CMIP: variants seen among roughly 807,000 people sequenced by gnomAD.
CMIP encodes the protein c-Maf inducing protein.
A neutral mutation model predicts 97.3 loss-of-function variants in CMIP; 13 were observed. That is an observed-to-expected ratio of 0.13 (90% CI 0.09 to 0.21). The LOEUF (loss-of-function observed/expected upper bound fraction) is 0.21, where lower values mean the gene tolerates loss of function less well. CMIP is among the 10% of genes least tolerant of loss of function. CMIP has a pLI of 1.00. For synonymous variants in CMIP, 538 were observed against 436.3 expected (o/e 1.23, Z -2.91); for missense variants, 847 against 1,024.9 (o/e 0.83, Z 2.37).
At chr16:81,600,740 T>A (rs2091643885) in intron 1 of CMIP, among the ~76,000 whole-genome samples, 1 of 152,216 alleles carries the variant, frequency 6.6e-6, no homozygotes, top group South Asian at 2.1e-4. Flanking sequence ...AGTTTTACGT[T>A]CTGTGAATTT....
chr16:81,588,894 C>T (rs536853046), intron 1 of CMIP, among the ~76,000 whole-genome samples: 2 of 151,948 alleles, frequency 1.3e-5, no homozygotes, highest in East Asian at 1.9e-4. Context: ...ATGAGGAGAC[C>T]GAGGTTCATA....
At chr16:81,670,287 C>T (rs1339136540) in intron 8 of CMIP, 42 bp downstream of exon 8, 1 of 1,565,486 alleles carries the variant, frequency 6.4e-7, no homozygotes, top group Admixed American at 1.9e-5. Context: ...CTAGGAGCCA[C>T]TTTCCTCTCG....
At chr16:81,491,724 C>A (rs763107831) in intron 1 of CMIP, among the ~76,000 whole-genome samples, 1 of 152,202 alleles carries the variant, frequency 6.6e-6, no homozygotes, top group African/African-American at 2.4e-5. Flanking sequence ...TCATTTGGCA[C>A]CCTTCCCTGT....
intron 1 of CMIP, among the ~76,000 whole-genome samples, chr16:81,498,619 G>C (rs2089537528): frequency 6.6e-6 from 1 of 152,180 alleles, no homozygotes; most frequent in African/African-American, 2.4e-5. Flanking sequence ...GTGTGCCCCA[G>C]AACATGGCTG....
intron 1 of CMIP, among the ~76,000 whole-genome samples, chr16:81,501,835 C>T (rs2089619142): frequency 6.6e-6 from 1 of 152,120 alleles, no homozygotes. Context: ...TGGTCTCGAA[C>T]TCCTGACCTC....
intron 1 of CMIP, among the ~76,000 whole-genome samples, chr16:81,460,289 T>A (rs1567526915): frequency 6.6e-6 from 1 of 152,134 alleles, no homozygotes; most frequent in Admixed American, 6.5e-5. Flanking sequence ...GTGGGCTATT[T>A]ATTCCCTCCT....
At chr16:81,553,722 G>A (rs1426717766) in intron 1 of CMIP, among the ~76,000 whole-genome samples, 2 of 152,206 alleles carry the variant, frequency 1.3e-5, no homozygotes, top group Admixed American at 1.3e-4. Context: ...TCTCTTTCCC[G>A]TGCCCTCGCC....
chr16:81,698,343 A>G (rs1906998150), intron 14 of CMIP, among the ~76,000 whole-genome samples: 1 of 152,208 alleles, frequency 6.6e-6, no homozygotes, highest in Non-Finnish European at 1.5e-5. Context: ...GCACCAGAAC[A>G]AAAGACCGCC....
intron 1 of CMIP, among the ~76,000 whole-genome samples, chr16:81,571,794 C>T (rs1365544299): frequency 2.0e-5 from 3 of 152,152 alleles, no homozygotes; most frequent in African/African-American, 2.4e-5. Flanking sequence ...CGACCGTGCG[C>T]GGGAGCCCTG....
At chr16:81,464,850 G>A (rs78441229) in intron 1 of CMIP, 2 of 152,138 alleles carry the variant, frequency 1.3e-5, no homozygotes, top group Admixed American at 6.5e-5. Context: ...TTAGTGTGAG[G>A]TTTTTACGTT....
intron 13 of CMIP, 99 bp downstream of exon 13, chr16:81,693,586 T>C (rs1052768002): frequency 7.5e-7 from 1 of 1,326,022 alleles, no homozygotes; most frequent in Non-Finnish European, 1.0e-6. Context: ...CCAACAGGCA[T>C]TCAGAACAGC....
intron 1 of CMIP, among the ~76,000 whole-genome samples, chr16:81,557,660 C>T (rs2911281): frequency 5.3e-5 from 8 of 151,878 alleles, no homozygotes; most frequent in Admixed American, 3.3e-4. Context: ...CTGTGGTCCC[C>T]GCTACTCAGG....
chr16:81,572,072 G>C (rs1272481165), intron 1 of CMIP, among the ~76,000 whole-genome samples: 1 of 152,190 alleles, frequency 6.6e-6, no homozygotes, highest in Non-Finnish European at 1.5e-5. Flanking sequence ...TGACTTTGAT[G>C]TCGTGTTCTG....
intron 1 of CMIP, among the ~76,000 whole-genome samples, chr16:81,593,432 G>A (rs1241165354): frequency 2.0e-5 from 3 of 152,130 alleles, no homozygotes; most frequent in Non-Finnish European, 4.4e-5. Flanking sequence ...AGGTGCCATC[G>A]GGTCTCTGAC....
chr16:81,651,275 G>C (rs528801752), intron 3 of CMIP: 60 of 201,004 alleles, frequency 3.0e-4, no homozygotes, highest in African/African-American at 1.4e-3. Context: ...AGCCCGGGCG[G>C]GGGTGGAGGG....
At chr16:81,557,318 G>C (rs572755117) in intron 1 of CMIP, among the ~76,000 whole-genome samples, 4 of 152,250 alleles carry the variant, frequency 2.6e-5, no homozygotes, top group African/African-American at 9.6e-5. Flanking sequence ...ACTGATGTTG[G>C]TTGAATTTAC....
At chr16:81,552,995 G>T (rs1322209003) in intron 1 of CMIP, among the ~76,000 whole-genome samples, 1 of 152,210 alleles carries the variant, frequency 6.6e-6, no homozygotes, top group South Asian at 2.1e-4. Context: ...GGACAGGAAA[G>T]TCTCCTCTAA....
chr16:81,694,741 A>G (rs917325524), intron 13 of CMIP, among the ~76,000 whole-genome samples: 2 of 152,194 alleles, frequency 1.3e-5, no homozygotes, highest in Non-Finnish European at 2.9e-5. Context: ...AAGCATCCCA[A>G]GTGGTTCTGA....
intron 1 of CMIP, among the ~76,000 whole-genome samples, chr16:81,471,824 G>C (rs997726237): frequency 6.6e-6 from 1 of 152,234 alleles, no homozygotes; most frequent in East Asian, 1.9e-4. Flanking sequence ...CTCACAGGCA[G>C]CTAGGACATG....
Sources: allele counts gnomAD v4.1 joint callset (sites outside exome capture counted in the v4.1 genomes callset), GRCh38; gene constraint gnomAD v4.1.1; transcripts MANE v1.5; gene names NCBI Gene and HGNC (gene_info 2026-07-23, HGNC 2026-07-21).